PHLPP1: variants seen among roughly 807,000 people sequenced by gnomAD.
PHLPP1 encodes the protein PH domain and leucine rich repeat protein phosphatase 1.
A neutral mutation model predicts 117.2 loss-of-function variants in PHLPP1; 42 were observed. That is an observed-to-expected ratio of 0.36 (90% confidence interval 0.28 to 0.46). The LOEUF is 0.46. Among genes scored for constraint, PHLPP1 ranks in the 20% least tolerant of loss-of-function variants. PHLPP1 has a pLI of 1.00. For synonymous variants in PHLPP1, 1,042 were observed against 970.7 expected (o/e 1.07, Z -1.37); for missense variants, 2,084 against 2,241.9 (o/e 0.93, Z 1.42).
chr18:62,891,242 C>T (rs1248719093), intron 4 of PHLPP1, among the ~76,000 whole-genome samples: 1 of 152,172 alleles, frequency 6.6e-6, no homozygotes, highest in Non-Finnish European at 1.5e-5. Flanking sequence ...CCTTAAGCAA[C>T]ATTTATTTAT....
At chr18:62,963,310 G>C in intron 13 of PHLPP1, 58 bp from the exon 14 acceptor site, 1 of 1,117,222 alleles carries the variant, frequency 9.0e-7, no homozygotes. Context: ...GATAAAGGTA[G>C]CAATTTGCAC....
intron 1 of PHLPP1, among the ~76,000 whole-genome samples, chr18:62,757,608 G>A (rs924517986): frequency 6.6e-6 from 1 of 152,150 alleles, no homozygotes; most frequent in Non-Finnish European, 1.5e-5. Flanking sequence ...GCAGTGTGCT[G>A]GTAGAGGTAG....
chr18:62,822,927 C>A (rs1041839171), intron 1 of PHLPP1, among the ~76,000 whole-genome samples: 2 of 152,180 alleles, frequency 1.3e-5, no homozygotes, highest in African/African-American at 2.4e-5. Context: ...GGTCTTAGAA[C>A]AATTGATGTA....
At chr18:62,748,405 C>T (rs1026103246) in intron 1 of PHLPP1, among the ~76,000 whole-genome samples, 5 of 151,928 alleles carry the variant, frequency 3.3e-5, no homozygotes, top group South Asian at 2.1e-4. Context: ...CCACCACACT[C>T]GGCTAATTTT....
At chr18:62,763,160 T>TA (rs1339802216) in intron 1 of PHLPP1, among the ~76,000 whole-genome samples, 13 of 152,226 alleles carry the variant, frequency 8.5e-5, no homozygotes, top group African/African-American at 2.9e-4. Flanking sequence ...CCCTCCGGGC[T>TA]ATGCATGAGC....
chr18:62,901,906 G>A (rs1278700384), intron 6 of PHLPP1, among the ~76,000 whole-genome samples: 5 of 152,092 alleles, frequency 3.3e-5, no homozygotes, highest in African/African-American at 9.7e-5. Context: ...GGGATTACAG[G>A]TGTGAGCCAT....
At chr18:62,871,337 T>C (rs1348310305) in intron 4 of PHLPP1, among the ~76,000 whole-genome samples, 1 of 149,606 alleles carries the variant, frequency 6.7e-6, no homozygotes, top group Admixed American at 6.7e-5. Flanking sequence ...TTTGTTTTTG[T>C]TTTTTTTGAG....
chr18:62,945,269 A>G lies in PHLPP1; in HGVS notation c.3322A>G (p.Lys1108Glu), dbSNP rs751496143. 11 of 1,597,802 alleles carry G rather than the reference A, an allele frequency of 6.9e-6. No individual in the cohort carries two copies. Among genetic ancestry groups the G allele is most frequent in the Middle Eastern group, 3.3e-4 (2 of 6,016 alleles). ...CGAAGTTATGCAGCTCCCAGAGATC[A>G]AGGTATGTGGTTTCATTTCATAAAC... is the stretch of plus-strand genomic sequence containing the variant. ...FPEVMQLPEI[K>E]CVDLSCNELS... Residue 1108 changes from lysine (K) to glutamate (E), a missense_variant and splice_region_variant, in exon 12 of 17, where the codon AAG becomes GAG. Physicochemically the swap from Lys to Glu is moderately conservative, Grantham distance 56 (BLOSUM62 1). This residue lies in a region of PHLPP1 where 1,365 missense variants were observed against 1,605.9 expected (regional missense o/e 0.85). Coordinates refer to ENST00000262719, the MANE Select transcript of PHLPP1 (RefSeq NM_194449.4).
At chr18:62,818,321 A>C (rs1052231395) in intron 1 of PHLPP1, among the ~76,000 whole-genome samples, 37 of 152,124 alleles carry the variant, frequency 2.4e-4, no homozygotes, top group African/African-American at 8.9e-4. Flanking sequence ...ACCTGAAGTC[A>C]GGAGACCAAG....
intron 2 of PHLPP1, chr18:62,832,381 G>GAAA (rs1914781805): frequency 2.0e-5 from 3 of 152,202 alleles, no homozygotes; most frequent in Admixed American, 1.3e-4. Flanking sequence ...TTTGAAGGAT[G>GAAA]AAAAGTCTTT....
At chr18:62,816,390 C>T (rs1914276234) in intron 1 of PHLPP1, among the ~76,000 whole-genome samples, 1 of 151,956 alleles carries the variant, frequency 6.6e-6, no homozygotes, top group South Asian at 2.1e-4. Context: ...ACTGTGAAAC[C>T]CTGTCTCTAC....
At chr18:62,960,411 CT>C (rs1031705638) in intron 13 of PHLPP1, among the ~76,000 whole-genome samples, 1 of 152,098 alleles carries the variant, frequency 6.6e-6, no homozygotes, top group African/African-American at 2.4e-5. Context: ...CGTAAATATA[CT>C]TTTTATACAT....
intron 4 of PHLPP1, among the ~76,000 whole-genome samples, chr18:62,876,199 T>C (rs1385524742): frequency 6.6e-6 from 1 of 152,182 alleles, no homozygotes; most frequent in East Asian, 1.9e-4. Context: ...AGTTTTAAAA[T>C]GGACCGTATG....
chr18:62,961,204 G>A (rs1910757423), intron 13 of PHLPP1, among the ~76,000 whole-genome samples: 1 of 152,224 alleles, frequency 6.6e-6, no homozygotes, highest in African/African-American at 2.4e-5. Flanking sequence ...GCTGAGGCAG[G>A]AGAGTCACTT....
At chr18:62,734,118 TTTC>T (rs1911301097) in intron 1 of PHLPP1, among the ~76,000 whole-genome samples, 1 of 152,176 alleles carries the variant, frequency 6.6e-6, no homozygotes, top group African/African-American at 2.4e-5. Flanking sequence ...CATTCTTGTA[TTTC>T]TTTTTTTTAA....
intron 14 of PHLPP1, 145 bp downstream of exon 14, chr18:62,963,617 C>G: frequency 1.7e-6 from 1 of 602,832 alleles, no homozygotes; most frequent in Non-Finnish European, 3.0e-6. Flanking sequence ...GAGTGAGGCT[C>G]CCTCACGACT....
At position 62,838,905 on chromosome 18, in the gene PHLPP1, C is replaced by G. The variant is rs760111143; in HGVS notation, c.1895C>G (p.Ser632Cys). ...TEYLRWLRQV[S>C]KVASQRISSV... ...TACTTAAGGTGGCTGCGACAAGTCT[C>G]CAAGGTAAGCAAGCACTTAATCCAG... Residue 632 changes from serine (S) to cysteine (C), a missense_variant, in exon 3 of 17, where the codon TCC becomes TGC. Ser to Cys is a moderately radical substitution (Grantham distance 112). Coordinates refer to ENST00000262719, the MANE Select transcript of PHLPP1 (RefSeq NM_194449.4). 5 of 1,613,782 alleles carry G rather than the reference C, an allele frequency of 3.1e-6. No homozygotes were observed. The African/African-American group carries it at 4.0e-5, about 13-fold the overall frequency.
chr18:62,779,689 G>T (rs1331692865), intron 1 of PHLPP1: 1 of 152,186 alleles, frequency 6.6e-6, no homozygotes. Flanking sequence ...GAGCTATGCA[G>T]ATTACAGGGT....
chr18:62,968,619 C>G (rs760337337), intron 14 of PHLPP1, among the ~76,000 whole-genome samples: 5 of 141,762 alleles, frequency 3.5e-5, no homozygotes, highest in Non-Finnish European at 7.6e-5. Context: ...TTCACTGCAA[C>G]CTTTCCCTTC....
Sources: allele counts gnomAD v4.1 joint callset (sites outside exome capture counted in the v4.1 genomes callset), GRCh38; gene constraint gnomAD v4.1.1; regional missense constraint gnomAD v4.1.1; transcripts MANE v1.5; gene names NCBI Gene and HGNC (gene_info 2026-07-23, HGNC 2026-07-21).